Variants in GRID2 observed in about 807,000 individuals in gnomAD.
GRID2 encodes glutamate ionotropic receptor delta type subunit 2.
Under a neutral mutation model 114.8 loss-of-function variants are expected in GRID2, and 33 were observed. The ratio of observed to expected loss-of-function variants is 0.29; its 90% CI spans 0.22 to 0.38. The LOEUF is 0.38. GRID2 is among the 10% of genes least tolerant of loss of function. The pLI, the probability that GRID2 is intolerant of heterozygous loss-of-function variation, is 1.00. For missense variants in GRID2, 1,184 were observed against 1,257.7 expected (o/e 0.94, Z 0.89); for synonymous variants, 505 against 449.9 (o/e 1.12, Z -1.55).
At chr4:92,489,632 G>C (rs996997155) in intron 1 of GRID2, among the ~76,000 whole-genome samples, 1 of 151,982 alleles carries the variant, frequency 6.6e-6, no homozygotes, top group Non-Finnish European at 1.5e-5. Context: ...GATCACCTGG[G>C]GTCAGGAGTT....
At chr4:92,818,805 T>C (rs1034909259) in intron 2 of GRID2, among the ~76,000 whole-genome samples, 4 of 152,164 alleles carry the variant, frequency 2.6e-5, no homozygotes, top group African/African-American at 9.6e-5. Context: ...TTTCTGCCTA[T>C]GGACAACTAC....
At chr4:92,970,779 T>C (rs1320403294) in intron 2 of GRID2, among the ~76,000 whole-genome samples, 1 of 151,986 alleles carries the variant, frequency 6.6e-6, no homozygotes, top group East Asian at 1.9e-4. Flanking sequence ...TACAATTCAG[T>C]AATGGAAAAG....
chr4:92,793,216 T>C (rs1467548355), intron 2 of GRID2, among the ~76,000 whole-genome samples: 1 of 151,786 alleles, frequency 6.6e-6, no homozygotes, highest in Non-Finnish European at 1.5e-5. Flanking sequence ...CACTTTCACA[T>C]CCTATGGTTG....
intron 14 of GRID2, among the ~76,000 whole-genome samples, chr4:93,752,360 T>TTTTATTTATTTATTTATTTA (rs58427324): frequency 3.6e-4 from 53 of 149,262 alleles, no homozygotes; most frequent in South Asian, 1.1e-3. Context: ...CATACTGTTC[T>TTTTATTTATTTATTTATTTA]TTTATTTATT....
chr4:92,876,408 C>T (rs904688081), intron 2 of GRID2, among the ~76,000 whole-genome samples: 1 of 151,924 alleles, frequency 6.6e-6, no homozygotes, highest in South Asian at 2.1e-4. Flanking sequence ...GAGTTCACAC[C>T]ATTCTCCTGC....
At chr4:92,448,661 A>C (rs1178225712) in intron 1 of GRID2, among the ~76,000 whole-genome samples, 2 of 151,724 alleles carry the variant, frequency 1.3e-5, no homozygotes. Context: ...TAATAATTTA[A>C]TTTTATGGAA....
intron 2 of GRID2, among the ~76,000 whole-genome samples, chr4:92,675,776 G>A (rs532420550): frequency 4.6e-5 from 7 of 151,948 alleles, no homozygotes; most frequent in South Asian, 4.2e-4. Context: ...GGATGGTTTC[G>A]ATCTCCTGAA....
chr4:93,469,129 A>C (rs569215677), intron 11 of GRID2, among the ~76,000 whole-genome samples: 64 of 152,110 alleles, frequency 4.2e-4, no homozygotes, highest in Non-Finnish European at 6.2e-4. Flanking sequence ...ACTCCTGAAG[A>C]AGGCCATTCT....
chr4:92,859,472 C>T (rs1296442547), intron 2 of GRID2, among the ~76,000 whole-genome samples: 1 of 151,866 alleles, frequency 6.6e-6, no homozygotes, highest in Non-Finnish European at 1.5e-5. Context: ...GAGGTCTGAC[C>T]CTATTCTTTT....
chr4:93,458,049 T>G (rs572643332), intron 11 of GRID2, among the ~76,000 whole-genome samples: 98 of 152,222 alleles, frequency 6.4e-4, no homozygotes, highest in Middle Eastern at 6.8e-3. Context: ...TTGCTCTTAA[T>G]TGCAAACTCC....
At chr4:92,886,183 C>T (rs1172083017) in intron 2 of GRID2, among the ~76,000 whole-genome samples, 1 of 152,082 alleles carries the variant, frequency 6.6e-6, no homozygotes, top group Non-Finnish European at 1.5e-5. Flanking sequence ...GTGGGTGGAG[C>T]AGCCAGAACC....
chr4:93,237,476 A>G (rs1422991313), intron 7 of GRID2, among the ~76,000 whole-genome samples: 1 of 151,960 alleles, frequency 6.6e-6, no homozygotes, highest in East Asian at 1.9e-4. Flanking sequence ...AGTGAGATAT[A>G]TTTAAATATC....
chr4:92,541,336 A>C (rs1725937345), intron 1 of GRID2, among the ~76,000 whole-genome samples: 1 of 152,088 alleles, frequency 6.6e-6, no homozygotes, highest in Non-Finnish European at 1.5e-5. Context: ...AAAGAAATCA[A>C]AATCTTGACA....
chr4:92,650,904 A>G (rs1465401314), intron 2 of GRID2, among the ~76,000 whole-genome samples: 5 of 151,986 alleles, frequency 3.3e-5, no homozygotes, highest in Admixed American at 6.6e-5. Flanking sequence ...ACAAGGTATT[A>G]TCACCTTGCT....
At chr4:93,275,924 C>T (rs1190657937) in intron 8 of GRID2, among the ~76,000 whole-genome samples, 1 of 151,824 alleles carries the variant, frequency 6.6e-6, no homozygotes, top group Non-Finnish European at 1.5e-5. Flanking sequence ...GTTTTATTTT[C>T]ACTTCCTTGA....
chr4:92,911,750 T>C (rs1267751681), intron 2 of GRID2, among the ~76,000 whole-genome samples: 2 of 151,846 alleles, frequency 1.3e-5, no homozygotes, highest in Non-Finnish European at 2.9e-5. Flanking sequence ...AATAGAGACT[T>C]GCTTTCAAGT....
At chr4:92,419,507 T>G (rs1731786569) in intron 1 of GRID2, among the ~76,000 whole-genome samples, 1 of 152,164 alleles carries the variant, frequency 6.6e-6, no homozygotes, top group Admixed American at 6.6e-5. Context: ...ACATTATATT[T>G]GTGATTTTAG....
In GRID2 at chr4:93,455,742, C is replaced by G; in HGVS notation, c.1626C>G (p.Asp542Glu). 1 of 1,610,884 alleles carries G rather than the reference C, an allele frequency of 6.2e-7. No individual in the cohort carries two copies. Among genetic ancestry groups the G allele is most frequent in the Non-Finnish European group, 8.5e-7 (1 of 1,177,120 alleles). ...NVVDFTTRYMDYSVGVLLRRA... is the reference protein window; with the variant it reads ...NVVDFTTRYMEYSVGVLLRRA... ...TGGACTTTACGACACGTTACATGGACTACTCAGTGGGGGTACTACTTCGAA... is the reference window on the plus strand; with the variant it reads ...TGGACTTTACGACACGTTACATGGAGTACTCAGTGGGGGTACTACTTCGAA... Residue 542 changes from aspartate to glutamate, a missense_variant, in exon 11 of 16, where the codon GAC becomes GAG. Asp to Glu is a conservative substitution (Grantham distance 45). Coordinates refer to ENST00000282020, the MANE Select transcript of GRID2 (RefSeq NM_001510.4).
At chr4:93,457,205 A>G (rs556613860) in intron 11 of GRID2, among the ~76,000 whole-genome samples, 19 of 152,162 alleles carry the variant, frequency 1.2e-4, no homozygotes, top group Admixed American at 9.2e-4. Flanking sequence ...TTAGGAGATC[A>G]TAGGTGTAGA....
Sources: allele counts gnomAD v4.1 joint callset (sites outside exome capture counted in the v4.1 genomes callset), GRCh38; gene constraint gnomAD v4.1.1; transcripts MANE v1.5; gene names NCBI Gene and HGNC (gene_info 2026-07-23, HGNC 2026-07-21).